Variants in CACNA1C observed in about 807,000 individuals in gnomAD.
CACNA1C encodes calcium voltage-gated channel subunit alpha1 C.
CACNA1C carries 30 observed loss-of-function variants against 229.0 expected under a neutral mutation model. That is an observed-to-expected ratio of 0.13 (90% CI 0.10 to 0.18). CACNA1C has a LOEUF of 0.18. Ranked by LOEUF, CACNA1C falls within the 10% of genes least tolerant of loss-of-function variation. CACNA1C has a pLI of 1.00. For missense variants in CACNA1C, 1,658 were observed against 2,845.0 expected (o/e 0.58, Z 9.49); for synonymous variants, 1,114 against 1,132.5 (o/e 0.98, Z 0.33).
intron 4 of CACNA1C, among the ~76,000 whole-genome samples, chr12:2,452,830 G>A (rs1242335675): frequency 6.6e-6 from 1 of 152,160 alleles, no homozygotes; most frequent in Admixed American, 6.5e-5. Flanking sequence ...GGAAATACTG[G>A]GAACAAAATC....
rs777110078 is a variant in CACNA1C, at chr12:2,688,501, T to C, written c.5839T>C (p.Ser1947Pro). 1.2e-6 allele frequency: 2 copies of C among 1,613,850 alleles called. No homozygotes were observed. The highest frequency in any genetic ancestry group is 1.7e-6 in the Non-Finnish European group (2 of 1,179,858). ...CCTCCAGAGAAGCCATTCCCCTGCCTCATTCCCTAGGCCTTTTGCCACCCC... is the reference window on the plus strand; with the variant it reads ...CCTCCAGAGAAGCCATTCCCCTGCCCCATTCCCTAGGCCTTTTGCCACCCC... ...PLLQRSHSPA[S>P]FPRPFATPPA... The change falls in exon 46 of 47, where the codon TCA becomes CCA. Residue 1947 changes from serine (S) to proline (P), a missense_variant. Physicochemically the swap from Ser to Pro is moderately conservative, Grantham distance 74. This residue lies in a region of CACNA1C where 590 missense variants were observed against 700.8 expected (regional missense o/e 0.84). Coordinates refer to ENST00000399655, the MANE Select transcript of CACNA1C (RefSeq NM_000719.7).
intron 3 of CACNA1C, among the ~76,000 whole-genome samples, chr12:2,281,570 A>G (rs1200410379): frequency 6.6e-6 from 1 of 152,184 alleles, no homozygotes; most frequent in Non-Finnish European, 1.5e-5. Flanking sequence ...CTCAGGTGAT[A>G]GTTTTTCCTT....
At chr12:2,576,673 A>G (rs534386626) in intron 13 of CACNA1C, among the ~76,000 whole-genome samples, 5 of 152,286 alleles carry the variant, frequency 3.3e-5, no homozygotes, top group Non-Finnish European at 7.4e-5. Flanking sequence ...TCTTCAGGCC[A>G]TAGCTGTGCG....
intron 3 of CACNA1C, among the ~76,000 whole-genome samples, chr12:2,440,800 T>C (rs1481654749): frequency 6.6e-6 from 1 of 152,166 alleles, no homozygotes; most frequent in Non-Finnish European, 1.5e-5. Context: ...GAGTTTGGGA[T>C]GGGTGTCCTG....
At chr12:2,280,229 AAC>A (rs2090659896) in intron 3 of CACNA1C, among the ~76,000 whole-genome samples, 1 of 100,344 alleles carries the variant, frequency 1.0e-5, no homozygotes, top group Admixed American at 9.0e-5. Flanking sequence ...GCTTCGGTTT[AAC>A]CTCTTGAGAC....
intron 3 of CACNA1C, among the ~76,000 whole-genome samples, chr12:2,442,776 G>A (rs1038048547): frequency 3.3e-5 from 5 of 152,196 alleles, no homozygotes; most frequent in African/African-American, 1.2e-4. Flanking sequence ...CACATCACAT[G>A]ATGAGAACAG....
intron 3 of CACNA1C, among the ~76,000 whole-genome samples, chr12:2,362,907 T>A (rs567762640): frequency 6.6e-5 from 10 of 152,304 alleles, no homozygotes; most frequent in Middle Eastern, 3.4e-3. Flanking sequence ...AGGTGTGAAC[T>A]GGATGATAAA....
chr12:2,231,508 C>G (rs2065125703), intron 3 of CACNA1C, among the ~76,000 whole-genome samples: 1 of 152,152 alleles, frequency 6.6e-6, no homozygotes, highest in African/African-American at 2.4e-5. Context: ...GCACGCATTA[C>G]TTAATTATAA....
In CACNA1C at chr12:2,053,842, G is replaced by A. The variant is rs1353797137; in HGVS notation, c.49+231G>A. Among the ~76,000 whole-genome samples, 1 of 150,482 alleles carries A rather than the reference G, an allele frequency of 6.6e-6. No individual in the cohort carries two copies. Among genetic ancestry groups the A allele is most frequent in the African/African-American group, 2.4e-5 (1 of 41,208 alleles). ...CCCGCCCCTCCCCCTCCGGGCCCCAGCTTCTCCAGAGCATGTGTTTCCTGT... is the reference window on the plus strand; with the variant it reads ...CCCGCCCCTCCCCCTCCGGGCCCCAACTTCTCCAGAGCATGTGTTTCCTGT... On this transcript the variant is annotated intron_variant, in intron 1 of 46. Coordinates refer to ENST00000399655, the MANE Select transcript of CACNA1C (RefSeq NM_000719.7). The surrounding 1 kb of genome is among the most constrained non-coding windows in gnomAD (Gnocchi z 5.8).
At chr12:2,325,800 C>T (rs1050115574) in intron 3 of CACNA1C, among the ~76,000 whole-genome samples, 3 of 152,242 alleles carry the variant, frequency 2.0e-5, no homozygotes, top group Non-Finnish European at 2.9e-5. Context: ...CTGTACCTTT[C>T]GTGAAGGGAC....
intron 3 of CACNA1C, among the ~76,000 whole-genome samples, chr12:2,203,199 G>C (rs2097649746): frequency 6.6e-6 from 1 of 152,144 alleles, no homozygotes; most frequent in Non-Finnish European, 1.5e-5. Flanking sequence ...CGACCAGCCA[G>C]GACTGAGAAG....
At chr12:2,415,649 G>T (rs2098877928) in intron 3 of CACNA1C, among the ~76,000 whole-genome samples, 1 of 152,172 alleles carries the variant, frequency 6.6e-6, no homozygotes, top group African/African-American at 2.4e-5. Context: ...GGAGGCAGAG[G>T]TCGGACAGTG....
At chr12:2,219,960 C>G (rs900302510) in intron 3 of CACNA1C, among the ~76,000 whole-genome samples, 5 of 152,158 alleles carry the variant, frequency 3.3e-5, no homozygotes, top group African/African-American at 1.2e-4. Context: ...AGCTCTCTGA[C>G]ATTGAATTTG....
At chr12:2,662,146 G>C (rs952764778) in intron 34 of CACNA1C, among the ~76,000 whole-genome samples, 28 of 151,916 alleles carry the variant, frequency 1.8e-4, no homozygotes, top group Non-Finnish European at 4.0e-4. Context: ...GGAGGCTAAG[G>C]TGGGAGAATC....
intron 3 of CACNA1C, among the ~76,000 whole-genome samples, chr12:2,284,819 C>G (rs1209903491): frequency 6.6e-6 from 1 of 152,180 alleles, no homozygotes; most frequent in African/African-American, 2.4e-5. Flanking sequence ...GAAGGGATGC[C>G]CGCTGCTCCA....
At chr12:2,484,098 T>C (rs1181557300) in intron 5 of CACNA1C, among the ~76,000 whole-genome samples, 3 of 152,204 alleles carry the variant, frequency 2.0e-5, no homozygotes, top group South Asian at 2.1e-4. Flanking sequence ...GAGACAGATA[T>C]AAATGTTTTA....
intron 1 of CACNA1C, among the ~76,000 whole-genome samples, chr12:2,092,290 TCATA>T (rs2071523483): frequency 6.6e-6 from 1 of 152,210 alleles, no homozygotes. Context: ...CCTAATTGGG[TCATA>T]CATAACTTGT....
chr12:2,497,969 T>TCTCACACACACA (rs145657634), intron 7 of CACNA1C, among the ~76,000 whole-genome samples: 42 of 144,014 alleles, frequency 2.9e-4, no homozygotes, highest in African/African-American at 1.0e-3. Flanking sequence ...TCTATTAAAT[T>TCTCACACACACA]CACACACACA....
rs137902593 is a variant in CACNA1C at position 2,171,885 on chromosome 12, A to G, written c.477+51455A>G. ...ACCCTGTGATAAAGAGCCACTCATG[A>G]TAGGTCTGGGAGGACGGCCACTATG... On this transcript the variant is annotated intron_variant, in intron 3 of 46. Coordinates refer to ENST00000399655, the MANE Select transcript of CACNA1C (RefSeq NM_000719.7). Among the ~76,000 whole-genome samples the G allele has an allele frequency of 1.9e-3, 283 of 152,256 alleles. 1 individual carries two copies. The highest frequency in any genetic ancestry group is 6.3e-3 in the African/African-American group (260 of 41,558).
Sources: gnomAD v4.1 joint callset for allele counts (sites outside exome capture counted in the v4.1 genomes callset) on GRCh38, gnomAD v4.1.1 for gene constraint, gnomAD v4.1.1 regional missense constraint, Gnocchi (gnomAD v3.1) non-coding constraint, MANE v1.5 for transcripts, NCBI Gene and HGNC (gene_info 2026-07-23, HGNC 2026-07-21) for gene names.